SYN2: variants seen among roughly 807,000 people sequenced by gnomAD.
The protein encoded by SYN2 is synapsin II.
SYN2 carries 19 observed loss-of-function variants against 50.9 expected under a neutral mutation model. The ratio of observed to expected loss-of-function variants is 0.37; its 90% CI spans 0.26 to 0.55. SYN2 has a LOEUF of 0.55. SYN2 is among the 20% of genes least tolerant of loss of function. The pLI, the probability that SYN2 is intolerant of heterozygous loss-of-function variation, is 0.81. For synonymous variants in SYN2, 255 were observed against 224.9 expected, an observed-to-expected ratio of 1.13 and a Z score of -1.20; for missense variants, 587 against 576.4, an observed-to-expected ratio of 1.02 and a Z score of -0.19.
At chr3:12,089,008 A>T (rs1018035599) in intron 1 of SYN2, among the ~76,000 whole-genome samples, 1 of 152,226 alleles carries the variant, frequency 6.6e-6, no homozygotes, top group Non-Finnish European at 1.5e-5. Context: ...CAAAATTGCT[A>T]AAAGAATAGA....
At chr3:12,186,758 C>T (rs903945338) in intron 11 of SYN2, among the ~76,000 whole-genome samples, 1 of 152,172 alleles carries the variant, frequency 6.6e-6, no homozygotes, top group Admixed American at 6.5e-5. Flanking sequence ...CAGTGACCAT[C>T]GAGGTGATCA....
rs1463083148 is a variant in SYN2 at position 12,122,654 on chromosome 3, T to G, written c.378-17997T>G. Among the ~76,000 whole-genome samples, 3 of 152,158 alleles carry G rather than the reference T, an allele frequency of 2.0e-5. No individual in the cohort carries two copies. The East Asian group carries it at 5.8e-4, about 29-fold the overall frequency. ...CAGAAAAAAATGCTTCCTTTGAGAA[T>G]TCATAACTACAGGCCTGTCTTCACT... is the stretch of plus-strand genomic sequence containing the variant. On this transcript the variant is annotated intron_variant, in intron 1 of 12. Transcript: ENST00000621198.
intron 1 of SYN2, among the ~76,000 whole-genome samples, chr3:12,051,510 C>T (rs1456904719): frequency 2.0e-5 from 3 of 148,624 alleles, no homozygotes; most frequent in African/African-American, 5.0e-5. Flanking sequence ...CCAGTGCTGC[C>T]CCTGAAGTTT....
chr3:12,091,505 A>G (rs1695827645), intron 1 of SYN2, among the ~76,000 whole-genome samples: 1 of 152,160 alleles, frequency 6.6e-6, no homozygotes, highest in Non-Finnish European at 1.5e-5. Flanking sequence ...TCACAGCTCA[A>G]GTAATTCTTA....
intron 1 of SYN2, among the ~76,000 whole-genome samples, chr3:12,131,366 C>G (rs574516905): frequency 6.6e-6 from 1 of 152,268 alleles, no homozygotes; most frequent in South Asian, 2.1e-4. Flanking sequence ...GATTCGTGAC[C>G]GTACAGTGGA....
At chr3:12,151,441 T>G in intron 5 of SYN2, 115 bp downstream of exon 5, 2 of 783,782 alleles carry the variant, frequency 2.6e-6, no homozygotes, top group Non-Finnish European at 4.4e-6. Context: ...AAGACTCCAC[T>G]GGGGTTGAAC....
intron 12 of SYN2, among the ~76,000 whole-genome samples, chr3:12,190,147 C>A (rs892227782): frequency 6.6e-6 from 1 of 152,178 alleles, no homozygotes; most frequent in African/African-American, 2.4e-5. Context: ...TTAGTTCTTA[C>A]CAAGTTGGGA....
Position 12,183,364 on chromosome 3 carries a change from C to A in SYN2, c.1361C>A (p.Pro454His). The change falls in exon 11 of 13, where the codon CCC becomes CAC. Residue 454 changes from proline (P) to histidine (H), a missense_variant. By Grantham distance (77) the Pro-to-His change is moderately conservative (BLOSUM62 -2). Coordinates refer to ENST00000621198, the MANE Select transcript of SYN2 (RefSeq NM_133625.6). ...AGCAAGACCCCACCTCAGCGGCCAC[C>A]CCCTCAAGGTTGTTTACAGTATATT... ...DSSKTPPQRP[P>H]PQGGPGQPQG... is the part of the protein sequence containing the mutation. 6.2e-7 allele frequency: 1 copy of A among 1,613,852 alleles called. No individual in the cohort carries two copies. The highest frequency in any genetic ancestry group is 8.5e-7 in the Non-Finnish European group (1 of 1,179,846).
At chr3:12,063,496 A>G (rs1426689159) in intron 1 of SYN2, among the ~76,000 whole-genome samples, 1 of 152,036 alleles carries the variant, frequency 6.6e-6, no homozygotes, top group Admixed American at 6.6e-5. Context: ...AAGTAAATGG[A>G]TGGAAGATGG....
chr3:12,158,709 C>T (rs780231535), intron 5 of SYN2: 18 of 1,610,230 alleles, frequency 1.1e-5, no homozygotes, highest in African/African-American at 5.3e-5. Flanking sequence ...CACCAAGTGC[C>T]GAGTGGCAGA....
chr3:12,054,081 C>T lies in SYN2; in HGVS notation c.377+49153C>T, dbSNP rs561719860. Among the ~76,000 whole-genome samples, 11 of 152,192 alleles carry T rather than the reference C, an allele frequency of 7.2e-5. No individual in the cohort carries two copies. The South Asian group carries it at 8.3e-4, about 11-fold the overall frequency. Reference sequence around the variant, plus strand: ...CAAGGTAATGCCTTATCACACTTGCCGCTGCTTTACAACAGGCAGTGAAGA... The same window carrying T: ...CAAGGTAATGCCTTATCACACTTGCTGCTGCTTTACAACAGGCAGTGAAGA... On this transcript the variant is annotated intron_variant, in intron 1 of 12. Coordinates refer to ENST00000621198, the MANE Select transcript of SYN2 (RefSeq NM_133625.6).
At chr3:12,020,332 G>GC (rs1301287515) in intron 1 of SYN2, among the ~76,000 whole-genome samples, 2 of 124,310 alleles carry the variant, frequency 1.6e-5, no homozygotes, top group African/African-American at 6.3e-5. Context: ...CCCCACCCTG[G>GC]CCCCCCACAT....
At chr3:12,155,859 G>GCCTGGTC (rs1399703500) in intron 5 of SYN2, among the ~76,000 whole-genome samples, 4 of 152,164 alleles carry the variant, frequency 2.6e-5, no homozygotes, top group Admixed American at 2.6e-4. Context: ...GTTTGAAAGG[G>GCCTGGTC]CCTGGTCTGC....
intron 5 of SYN2, among the ~76,000 whole-genome samples, chr3:12,155,823 G>A (rs1221366164): frequency 6.6e-6 from 1 of 152,206 alleles, no homozygotes; most frequent in African/African-American, 2.4e-5. Context: ...GAGGGCAGGT[G>A]CTTAGGAAGG....
At chr3:12,157,249 A>G in intron 5 of SYN2, 1 of 792,380 alleles carries the variant, frequency 1.3e-6, no homozygotes, top group Admixed American at 2.3e-5. Flanking sequence ...TCCAAATCTC[A>G]TCCAGTTCCA....
At chr3:12,048,528 A>C (rs926708995) in intron 1 of SYN2, among the ~76,000 whole-genome samples, 1 of 152,200 alleles carries the variant, frequency 6.6e-6, no homozygotes, top group Admixed American at 6.5e-5. Context: ...TGCCATATAA[A>C]AAGTCTACAT....
At chr3:12,151,459 C>T in intron 5 of SYN2, 133 bp downstream of exon 5, 1 of 661,308 alleles carries the variant, frequency 1.5e-6, no homozygotes, top group Non-Finnish European at 2.7e-6. Flanking sequence ...AACTATAGAG[C>T]TTATGCGGCT....
At position 12,161,589 on chromosome 3, in the gene SYN2, C is replaced by G. The variant is rs1441544286; in HGVS notation, c.818C>G (p.Ala273Gly). 1 of 1,614,054 alleles carries G rather than the reference C, an allele frequency of 6.2e-7. No homozygotes were observed. Among genetic ancestry groups the G allele is most frequent in the East Asian group, 2.2e-5 (1 of 44,888 alleles). The change falls in exon 6 of 13, where the codon GCT becomes GGT. Residue 273 changes from alanine (A) to glycine (G), a missense_variant. Transcript: ENST00000621198. ...CCTGTGGTGGTGAAGATTGGCCACG[C>G]TCACTCAGGCATGGGCAAGGTGAGG... The part of the protein sequence containing the change: ...TFPVVVKIGH[A>G]HSGMGKVKVE...
intron 1 of SYN2, among the ~76,000 whole-genome samples, chr3:12,117,394 G>A (rs1696458329): frequency 6.6e-6 from 1 of 152,198 alleles, no homozygotes; most frequent in Admixed American, 6.5e-5. Context: ...TGTTGAGATA[G>A]ACAGATTTAG....
Sources: gnomAD v4.1 joint callset for allele counts (sites outside exome capture counted in the v4.1 genomes callset) on GRCh38, gnomAD v4.1.1 for gene constraint, MANE v1.5 for transcripts, NCBI Gene and HGNC (gene_info 2026-07-23, HGNC 2026-07-21) for gene names.